Variants in BCO1 observed in about 807,000 individuals in gnomAD.
BCO1 encodes the protein beta,beta-carotene 15,15'-dioxygenase.
Under a neutral mutation model 56.3 loss-of-function variants are expected in BCO1, and 54 were observed. That is an observed-to-expected ratio of 0.96 (90% CI 0.77 to 1.20). The LOEUF is 1.20. Ranked by LOEUF, BCO1 falls within the 50% of genes most tolerant of loss-of-function variation. The pLI, the probability that BCO1 is intolerant of heterozygous loss-of-function variation, is 0.00. For missense variants in BCO1, 801 were observed against 690.9 expected (o/e 1.16, Z -1.79); for synonymous variants, 318 against 266.1 (o/e 1.20, Z -1.90).
intron 2 of BCO1, among the ~76,000 whole-genome samples, chr16:81,257,862 A>T (rs1906241217): frequency 1.3e-5 from 2 of 150,426 alleles, no homozygotes; most frequent in South Asian, 4.3e-4. Flanking sequence ...CCTGGGTGAC[A>T]GAGTGAGACT....
chr16:81,272,197 T>C (rs1454719313), intron 7 of BCO1, among the ~76,000 whole-genome samples: 4 of 147,772 alleles, frequency 2.7e-5, no homozygotes, highest in African/African-American at 1.0e-4. Context: ...CACTGCAAGC[T>C]CCGCCTCCCA....
At chr16:81,264,221 G>A (rs1349879817) in intron 4 of BCO1, 1 of 276,996 alleles carries the variant, frequency 3.6e-6, no homozygotes, top group East Asian at 8.7e-5. Context: ...TGACAGAACT[G>A]TGGCCAAGAT....
intron 7 of BCO1, among the ~76,000 whole-genome samples, chr16:81,270,996 G>T (rs1037262280): frequency 2.6e-5 from 4 of 152,096 alleles, no homozygotes; most frequent in African/African-American, 9.7e-5. Context: ...CACCCGCCTC[G>T]GCCTCCCAAA....
chr16:81,283,428 TA>T (rs370312811), intron 8 of BCO1, among the ~76,000 whole-genome samples: 60 of 146,834 alleles, frequency 4.1e-4, no homozygotes, highest in African/African-American at 1.1e-3. Context: ...CATCTCTATT[TA>T]AAAAAAAAAA....
intron 3 of BCO1, chr16:81,261,892 C>T (rs775244878): frequency 1.4e-4 from 59 of 413,018 alleles, no homozygotes; most frequent in Non-Finnish European, 2.5e-4. Flanking sequence ...CAGGCGCCTG[C>T]CACCACGCCC....
At chr16:81,267,598 G>A (rs1422044103) in intron 5 of BCO1, among the ~76,000 whole-genome samples, 1 of 152,156 alleles carries the variant, frequency 6.6e-6, no homozygotes, top group Non-Finnish European at 1.5e-5. Flanking sequence ...GGGCAGCAGA[G>A]GGAGACTCTA....
At chr16:81,240,396 T>C (rs79824861) in intron 1 of BCO1, among the ~76,000 whole-genome samples, 1,527 of 152,210 alleles carry the variant, frequency 0.01, 18 homozygotes, top group African/African-American at 0.034. Context: ...CATCTGTACA[T>C]ATTTTATTTT....
intron 7 of BCO1, among the ~76,000 whole-genome samples, chr16:81,278,484 C>T (rs994961057): frequency 6.6e-6 from 1 of 152,222 alleles, no homozygotes; most frequent in Admixed American, 6.5e-5. Flanking sequence ...GTTGTGCATT[C>T]ACTCATTAAT....
chr16:81,274,325 G>A (rs1279873880), intron 7 of BCO1, among the ~76,000 whole-genome samples: 3 of 141,190 alleles, frequency 2.1e-5, no homozygotes, highest in East Asian at 2.1e-4. Context: ...GTGCAGTGGC[G>A]TGATCTCGGC....
chr16:81,289,320 G>C (rs911881345), intron 10 of BCO1, among the ~76,000 whole-genome samples: 1 of 152,162 alleles, frequency 6.6e-6, no homozygotes, highest in Non-Finnish European at 1.5e-5. Context: ...ACTGCTACAT[G>C]TGCAAGAGAT....
rs117705245 is a variant in BCO1 at position 81,243,720 on chromosome 16, C to T, written c.65-1755C>T. Among the ~76,000 whole-genome samples the T allele has an allele frequency of 2.5e-4, 38 of 152,310 alleles. No individual in the cohort carries two copies. The East Asian group carries it at 6.6e-3, about 26-fold the overall frequency. ...CTGACCTCAAGCGATCTGCCTGCCT[C>T]ACCTCCCAAAGTGCTGGGATTCAGG... On this transcript the variant is annotated intron_variant, in intron 1 of 10. Transcript: ENST00000258168.
chr16:81,245,729 C>A, intron 2 of BCO1, 126 bp downstream of exon 2: 1 of 1,266,848 alleles, frequency 7.9e-7, no homozygotes, highest in Non-Finnish European at 1.1e-6. Context: ...TCTCACTGAA[C>A]TGAAATCAAG....
chr16:81,265,772 CATCCACTT>C (rs1906780890), intron 5 of BCO1, among the ~76,000 whole-genome samples: 1 of 119,154 alleles, frequency 8.4e-6, no homozygotes, highest in Admixed American at 8.7e-5. Flanking sequence ...TCCATCCACT[CATCCACTT>C]ATCCACCATC....
chr16:81,256,452 C>T (rs1175569806), intron 2 of BCO1, among the ~76,000 whole-genome samples: 2 of 152,072 alleles, frequency 1.3e-5, no homozygotes, highest in Admixed American at 6.6e-5. Context: ...TGTAGCAACA[C>T]TGGAAGCACA....
At chr16:81,264,097 A>G (rs12923433) in intron 4 of BCO1, 60,058 of 174,466 alleles carry the variant, frequency 0.34, 11,208 homozygotes, top group Middle Eastern at 0.42. Context: ...CGTTGATCAA[A>G]CTTCACTTTG....
rs1009686915 is a variant in BCO1, at chr16:81,267,992, A to G, written c.704A>G (p.Tyr235Cys). Reference protein sequence around the residue: ...IPSRSLLSPSYYHSFGVTENY... With the variant: ...IPSRSLLSPSCYHSFGVTENY... ...TCCCGCTCCCTGCTCTCCCCAAGCTACTACCACAGCTTTGGAGTCACCGAG... is the reference window on the plus strand; with the variant it reads ...TCCCGCTCCCTGCTCTCCCCAAGCTGCTACCACAGCTTTGGAGTCACCGAG... The change falls in exon 6 of 11, where the codon TAC becomes TGC. Residue 235 changes from tyrosine (Y) to cysteine (C), a missense_variant. Tyr to Cys is a radical substitution (Grantham distance 194, BLOSUM62 -2). Transcript: ENST00000258168. The G allele has an allele frequency of 6.2e-7, 1 of 1,613,906 alleles. No homozygotes were observed.
chr16:81,248,802 G>A (rs1016634418), intron 2 of BCO1, among the ~76,000 whole-genome samples: 14 of 152,024 alleles, frequency 9.2e-5, no homozygotes, highest in African/African-American at 2.7e-4. Context: ...ACCTGAAGTC[G>A]GGAGTTCAAG....
chr16:81,290,239 T>G, intron 10 of BCO1, 109 bp from the exon 11 acceptor site: 1 of 908,250 alleles, frequency 1.1e-6, no homozygotes. Context: ...TCCCTCCTGT[T>G]TTGGTTAGAT....
chr16:81,251,365 C>G (rs1905786024), intron 2 of BCO1, among the ~76,000 whole-genome samples: 1 of 151,930 alleles, frequency 6.6e-6, no homozygotes, highest in Admixed American at 6.6e-5. Flanking sequence ...TCAAGACAAG[C>G]CTGGGTAACA....
Sources: gnomAD v4.1 joint callset for allele counts (sites outside exome capture counted in the v4.1 genomes callset) on GRCh38, gnomAD v4.1.1 for gene constraint, MANE v1.5 for transcripts, NCBI Gene and HGNC (gene_info 2026-07-23, HGNC 2026-07-21) for gene names.